The following TMEM132D variants were observed in gnomAD, a reference collection of about 807,000 sequenced individuals.
The protein encoded by TMEM132D is transmembrane protein 132D.
In TMEM132D, 21 loss-of-function variants were observed where a neutral mutation model predicts 62.3. The observed-to-expected ratio is 0.34, with a 90% CI of 0.24 to 0.49. The LOEUF (loss-of-function observed/expected upper bound fraction) is 0.49. TMEM132D is among the 20% of genes least tolerant of loss of function. TMEM132D has a pLI of 0.99. For synonymous variants in TMEM132D, 621 were observed against 575.6 expected, an observed-to-expected ratio of 1.08 and a Z score of -1.13; for missense variants, 1,346 against 1,402.8, an observed-to-expected ratio of 0.96 and a Z score of 0.65.
At chr12:129,753,719 T>C (rs988286998) in intron 1 of TMEM132D, among the ~76,000 whole-genome samples, 3 of 152,176 alleles carry the variant, frequency 2.0e-5, no homozygotes, top group South Asian at 2.1e-4. Context: ...AATGGTACAT[T>C]TTTTGCGTGT....
chr12:129,868,051 GAC>G (rs1491427808), intron 1 of TMEM132D, among the ~76,000 whole-genome samples: 1 of 152,162 alleles, frequency 6.6e-6, no homozygotes, highest in East Asian at 1.9e-4. Flanking sequence ...ACACACATGA[GAC>G]AGCGTTTCTA....
At chr12:129,718,776 A>G (rs1484783849) in intron 1 of TMEM132D, among the ~76,000 whole-genome samples, 2 of 152,150 alleles carry the variant, frequency 1.3e-5, no homozygotes, top group African/African-American at 4.8e-5. Flanking sequence ...TCATTTAACC[A>G]TTTTTATCCT....
Position 129,770,140 on chromosome 12 carries a change from G to GTTTTTTTTTTTT in TMEM132D, c.80-69443_80-69442insAAAAAAAAAAAA, listed in dbSNP as rs375230592. Among the ~76,000 whole-genome samples the GTTTTTTTTTTTT allele has an allele frequency of 5.1e-4, 53 of 104,310 alleles. 1 individual carries two copies. The highest frequency in any genetic ancestry group is 7.4e-4 in the Non-Finnish European group (40 of 54,126). The allele number at this position is 104,310 out of a possible 152,430, so 68.4% of individuals were successfully genotyped here. On this transcript the variant is annotated intron_variant, in intron 1 of 8. Transcript: ENST00000422113. ...ATGAGATTCTTTGTGGGTTTTTTTG[G>GTTTTTTTTTTTT]TTGTTTTTTTTTTTTTTTTTTGAGA...
At chr12:129,291,656 G>C (rs1312013689) in intron 4 of TMEM132D, among the ~76,000 whole-genome samples, 1 of 152,166 alleles carries the variant, frequency 6.6e-6, no homozygotes, top group Non-Finnish European at 1.5e-5. Context: ...TATTGATTTA[G>C]TTATTCTGAC....
At chr12:129,392,840 G>A (rs1355967573) in intron 3 of TMEM132D, among the ~76,000 whole-genome samples, 1 of 152,146 alleles carries the variant, frequency 6.6e-6, no homozygotes, top group East Asian at 1.9e-4. Context: ...AAACTACCAG[G>A]TAATTCAAGT....
intron 8 of TMEM132D, among the ~76,000 whole-genome samples, chr12:129,077,268 A>G (rs1874293166): frequency 6.6e-6 from 1 of 152,240 alleles, no homozygotes; most frequent in Admixed American, 6.5e-5. Context: ...AAGAGTGCGC[A>G]GAAAAGGCTC....
chr12:129,453,339 T>G lies in TMEM132D; in HGVS notation c.1115+77720A>C, dbSNP rs1020194230. On this transcript the variant is annotated intron_variant, in intron 3 of 8. Coordinates refer to ENST00000422113, the MANE Select transcript of TMEM132D (RefSeq NM_133448.3). ...ATGGGCTACTGGCTTTTGCGCAAGG[T>G]GTCTCTTTGCCTGGAATTCCCTCCC... Among the ~76,000 whole-genome samples, 7 of 152,254 alleles carry G rather than the reference T, an allele frequency of 4.6e-5. No individual in the cohort carries two copies. The East Asian group carries it at 1.2e-3, about 25-fold the overall frequency.
At chr12:129,357,246 C>CG (rs1555250295) in intron 3 of TMEM132D, among the ~76,000 whole-genome samples, 2 of 91,180 alleles carry the variant, frequency 2.2e-5, no homozygotes, top group Non-Finnish European at 4.4e-5. Flanking sequence ...GACCGTGTCT[C>CG]AAAAAAAAAA....
intron 1 of TMEM132D, among the ~76,000 whole-genome samples, chr12:129,788,879 G>T (rs1358460152): frequency 1.3e-5 from 2 of 152,124 alleles, no homozygotes; most frequent in Admixed American, 6.5e-5. Context: ...CTGGGCAGAA[G>T]GGAGTCTGGC....
intron 4 of TMEM132D, among the ~76,000 whole-genome samples, chr12:129,335,335 G>T (rs1869239013): frequency 6.6e-6 from 1 of 151,406 alleles, no homozygotes; most frequent in Non-Finnish European, 1.5e-5. Flanking sequence ...ATGGGGTTTT[G>T]CCATGTTGGT....
intron 2 of TMEM132D, among the ~76,000 whole-genome samples, chr12:129,657,757 AGT>A (rs1235196911): frequency 6.6e-6 from 1 of 152,260 alleles, no homozygotes; most frequent in East Asian, 1.9e-4. Flanking sequence ...AACTTACCAA[AGT>A]GTGTCCTTAA....
At chr12:129,484,582 A>G (rs1874527708) in intron 3 of TMEM132D, among the ~76,000 whole-genome samples, 1 of 152,126 alleles carries the variant, frequency 6.6e-6, no homozygotes, top group Non-Finnish European at 1.5e-5. Context: ...AATGGACTTC[A>G]TTTTGTTACT....
At position 129,457,717 on chromosome 12, in the gene TMEM132D, AC is replaced by A. The variant is rs569867409; in HGVS notation, c.1115+73341del. On this transcript the variant is annotated intron_variant, in intron 3 of 8. Coordinates refer to ENST00000422113, the MANE Select transcript of TMEM132D (RefSeq NM_133448.3). The stretch of plus-strand genomic sequence containing the variant: ...GGCAAAGAAAAAGGAAGCATGTCTT[AC>A]CATGGCAGAGGAGGAGAGAGAAAGA... 3.3e-4 allele frequency among the ~76,000 whole-genome samples: 51 copies of A among 152,280 alleles called. No homozygotes were observed. In the South Asian group the frequency reaches 1.0e-2, roughly 30 times the overall value.
At chr12:129,426,989 T>G (rs1488926546) in intron 3 of TMEM132D, among the ~76,000 whole-genome samples, 1 of 152,218 alleles carries the variant, frequency 6.6e-6, no homozygotes, top group Non-Finnish European at 1.5e-5. Flanking sequence ...CACTTTCCTT[T>G]ACTAAAGCTT....
chr12:129,348,156 A>G (rs1869745165), intron 3 of TMEM132D, among the ~76,000 whole-genome samples: 1 of 152,204 alleles, frequency 6.6e-6, no homozygotes, highest in Admixed American at 6.5e-5. Flanking sequence ...GCGATTCCCC[A>G]AGGATCTAGA....
At chr12:129,121,223 G>A (rs1188366761) in intron 5 of TMEM132D, among the ~76,000 whole-genome samples, 3 of 152,134 alleles carry the variant, frequency 2.0e-5, no homozygotes, top group African/African-American at 7.2e-5. Flanking sequence ...AGCCTCCCAA[G>A]TAGCTGGGAT....
intron 3 of TMEM132D, among the ~76,000 whole-genome samples, chr12:129,355,912 C>A (rs1323313046): frequency 6.6e-6 from 1 of 152,154 alleles, no homozygotes; most frequent in Non-Finnish European, 1.5e-5. Flanking sequence ...TGCTCCTGTG[C>A]CTCTAGCTGG....
chr12:129,206,181 GA>G (rs907683473), intron 5 of TMEM132D, among the ~76,000 whole-genome samples: 1 of 152,000 alleles, frequency 6.6e-6, no homozygotes, highest in Non-Finnish European at 1.5e-5. Flanking sequence ...ATACAGAATG[GA>G]AAAAAATATT....
chr12:129,163,751 T>A (rs575446101), intron 5 of TMEM132D, among the ~76,000 whole-genome samples: 1 of 152,234 alleles, frequency 6.6e-6, no homozygotes, highest in African/African-American at 2.4e-5. Flanking sequence ...CATCCCGGCA[T>A]ATCCTCTGAA....
Sources: allele counts gnomAD v4.1 joint callset (sites outside exome capture counted in the v4.1 genomes callset), GRCh38; gene constraint gnomAD v4.1.1; transcripts MANE v1.5; gene names NCBI Gene and HGNC (gene_info 2026-07-23, HGNC 2026-07-21).